ZNF236: variants seen among roughly 807,000 people sequenced by gnomAD.
The protein encoded by ZNF236 is zinc finger protein 236.
In ZNF236, 50 loss-of-function variants were observed where a neutral mutation model predicts 191.2. The observed-to-expected ratio is 0.26, with a 90% CI of 0.21 to 0.33. The LOEUF (loss-of-function observed/expected upper bound fraction) is 0.33, where lower values mean the gene tolerates loss of function less well. ZNF236 is among the 10% of genes least tolerant of loss of function. ZNF236 has a pLI of 1.00. For synonymous variants in ZNF236, 907 were observed against 928.8 expected, an observed-to-expected ratio of 0.98 and a Z score of 0.43; for missense variants, 1,754 against 2,374.5, an observed-to-expected ratio of 0.74 and a Z score of 5.43.
At chr18:76,943,829 T>C (rs1008980082) in intron 26 of ZNF236, among the ~76,000 whole-genome samples, 2 of 152,248 alleles carry the variant, frequency 1.3e-5, no homozygotes, top group African/African-American at 4.8e-5. Flanking sequence ...TTTACTCTTG[T>C]ACTTGTAAAT....
intron 26 of ZNF236, among the ~76,000 whole-genome samples, chr18:76,942,967 C>T (rs1359582562): frequency 2.0e-5 from 3 of 149,694 alleles, no homozygotes; most frequent in Non-Finnish European, 4.5e-5. Context: ...ACTAAAAATA[C>T]AAAAAATTAG....
intron 9 of ZNF236, chr18:76,885,750 G>A (rs559376252): frequency 1.3e-5 from 2 of 152,912 alleles, no homozygotes; most frequent in East Asian, 1.9e-4. Flanking sequence ...TAGTCTTTGA[G>A]CACATGTCTG....
At chr18:76,844,245 A>T (rs1975610925) in intron 1 of ZNF236, among the ~76,000 whole-genome samples, 1 of 151,968 alleles carries the variant, frequency 6.6e-6, no homozygotes, top group African/African-American at 2.4e-5. Flanking sequence ...ATCTCAAAAA[A>T]AAAAAAAAAG....
intron 11 of ZNF236, among the ~76,000 whole-genome samples, chr18:76,902,976 G>A (rs915788188): frequency 2.0e-5 from 3 of 152,284 alleles, no homozygotes; most frequent in South Asian, 4.1e-4. Flanking sequence ...GAGCTGCCTG[G>A]AGCGAGGTCT....
At position 76,843,803 on chromosome 18, in the gene ZNF236, A is replaced by AAAAAAAAAAAAAAAAAAAAAG. The variant is rs71172383; in HGVS notation, c.56-5721_56-5720insAAAAAAAAAAAAAAAAAAGAA. Among the ~76,000 whole-genome samples the AAAAAAAAAAAAAAAAAAAAAG allele has an allele frequency of 5.2e-3, 320 of 62,088 alleles. 107 individuals are homozygous for AAAAAAAAAAAAAAAAAAAAAG. The highest frequency in any genetic ancestry group is 7.2e-3 in the Non-Finnish European group (255 of 35,428). The allele number at this position is 62,088 out of a possible 152,430, so 40.7% of individuals were successfully genotyped here. On this transcript the variant is annotated intron_variant, in intron 1 of 30. Coordinates refer to ENST00000320610, the MANE Select transcript of ZNF236 (RefSeq NM_001306089.2). ...AAAAAAAAAAAAAAAAAAAAAAAAA[A>AAAAAAAAAAAAAAAAAAAAAG]AAGTAAAGAAGAGACCGGGCGCAGT...
At chr18:76,941,591 C>G (rs990462524) in intron 26 of ZNF236, among the ~76,000 whole-genome samples, 1 of 152,214 alleles carries the variant, frequency 6.6e-6, no homozygotes, top group Non-Finnish European at 1.5e-5. Context: ...CCCCCCTCAG[C>G]CCTTCCACTC....
At chr18:76,843,927 G>C (rs548177097) in intron 1 of ZNF236, among the ~76,000 whole-genome samples, 1 of 149,568 alleles carries the variant, frequency 6.7e-6, no homozygotes, top group Non-Finnish European at 1.5e-5. Flanking sequence ...CCTGTAATAT[G>C]AGCACAAGGA....
chr18:76,837,727 C>A (rs2122436342), intron 1 of ZNF236, among the ~76,000 whole-genome samples: 1 of 152,320 alleles, frequency 6.6e-6, no homozygotes, highest in East Asian at 1.9e-4. Flanking sequence ...AGGCGTGACC[C>A]ACCGCGCCTG....
intron 25 of ZNF236, among the ~76,000 whole-genome samples, chr18:76,932,517 G>A (rs1008035907): frequency 1.3e-5 from 2 of 152,112 alleles, no homozygotes; most frequent in East Asian, 1.9e-4. Flanking sequence ...TCTTTCCCCC[G>A]CTGCATGGTT....
At chr18:76,930,900 A>G (rs535601604) in intron 25 of ZNF236, among the ~76,000 whole-genome samples, 1 of 152,358 alleles carries the variant, frequency 6.6e-6, no homozygotes, top group Admixed American at 6.5e-5. Flanking sequence ...GTGTGAACAA[A>G]TACTGTCATT....
intron 3 of ZNF236, among the ~76,000 whole-genome samples, chr18:76,859,422 C>T (rs1976149221): frequency 6.6e-6 from 1 of 152,098 alleles, no homozygotes; most frequent in African/African-American, 2.4e-5. Context: ...GCGTATTAAC[C>T]AGTTAGATCT....
intron 1 of ZNF236, among the ~76,000 whole-genome samples, chr18:76,838,174 A>G (rs1022425832): frequency 1.3e-4 from 20 of 152,332 alleles, no homozygotes; most frequent in African/African-American, 3.6e-4. Flanking sequence ...AGTGAAGTAC[A>G]TTGATCTTGG....
chr18:76,926,937 C>T, intron 22 of ZNF236, 100 bp from the exon 23 acceptor site: 1 of 1,374,212 alleles, frequency 7.3e-7, no homozygotes, highest in Non-Finnish European at 9.9e-7. Context: ...ATAATGTGTA[C>T]AACTTATGTA....
intron 1 of ZNF236, among the ~76,000 whole-genome samples, chr18:76,846,857 C>T (rs977003659): frequency 4.0e-5 from 6 of 151,492 alleles, no homozygotes; most frequent in African/African-American, 1.5e-4. Flanking sequence ...TGCAGTGGTG[C>T]AATCTCGGAT....
rs2122504256 is a variant in ZNF236, at chr18:76,849,408, A to T, written c.56-118A>T. On this transcript the variant is annotated intron_variant, in intron 1 of 30. Coordinates refer to ENST00000320610, the MANE Select transcript of ZNF236 (RefSeq NM_001306089.2). ...TCAGTATATCATTAATTTCGTCTAA[A>T]ATGTCACATAAATCTCTGACATAAT... 7.7e-6 allele frequency: 6 copies of T among 783,340 alleles called. No individual in the cohort carries two copies. In the South Asian group the frequency reaches 1.7e-4, roughly 22 times the overall value. 48.5% of individuals were successfully genotyped at this position (783,340 alleles called of 1,614,324 possible).
chr18:76,871,904 G>C (rs1976594495), intron 5 of ZNF236, 79 bp downstream of exon 5: 2 of 1,543,948 alleles, frequency 1.3e-6, no homozygotes, highest in Admixed American at 1.7e-5. Context: ...AGCTCGACTT[G>C]GAATCTGATC....
intron 17 of ZNF236, 120 bp from the exon 18 acceptor site, chr18:76,913,620 AACAGTTG>A (rs1329149035): frequency 6.4e-6 from 6 of 932,416 alleles, no homozygotes; most frequent in African/African-American, 1.7e-5. Flanking sequence ...TAGGTTCTAT[AACAGTTG>A]TGCCTAAATG....
At chr18:76,899,373 A>G (rs908520299) in intron 11 of ZNF236, 151 bp downstream of exon 11, 3 of 655,722 alleles carry the variant, frequency 4.6e-6, no homozygotes, top group Non-Finnish European at 7.5e-6. Flanking sequence ...GTTTTGCTTT[A>G]TGGACTAGTA....
chr18:76,939,075 C>T (rs1968068839), intron 26 of ZNF236, among the ~76,000 whole-genome samples: 1 of 152,128 alleles, frequency 6.6e-6, no homozygotes, highest in South Asian at 2.1e-4. Flanking sequence ...CGTGGTGGCT[C>T]ACACCTGTAA....
Sources: allele counts gnomAD v4.1 joint callset (sites outside exome capture counted in the v4.1 genomes callset), GRCh38; gene constraint gnomAD v4.1.1; transcripts MANE v1.5; gene names NCBI Gene and HGNC (gene_info 2026-07-23, HGNC 2026-07-21).